The following AP4S1 variants were observed in gnomAD, a reference collection of about 807,000 sequenced individuals.
The protein encoded by AP4S1 is adaptor related protein complex 4 subunit sigma 1.
AP4S1 carries 23 observed loss-of-function variants against 19.8 expected under a neutral mutation model. The ratio of observed to expected loss-of-function variants is 1.16; its 90% confidence interval spans 0.84 to 1.65. The LOEUF (loss-of-function observed/expected upper bound fraction) is 1.65. Ranked by LOEUF, AP4S1 falls within the 40% of genes most tolerant of loss-of-function variation. The probability of loss-of-function intolerance (pLI) is 0.00; values close to 1 mark genes in which losing one functional copy is unlikely to be tolerated. For synonymous variants in AP4S1, 46 were observed against 54.1 expected, an observed-to-expected ratio of 0.85 and a Z score of 0.66; for missense variants, 166 against 172.8, an observed-to-expected ratio of 0.96 and a Z score of 0.22.
chr14:31,042,320 C>T (rs1377178066), intron 1 of AP4S1, among the ~76,000 whole-genome samples: 2 of 152,128 alleles, frequency 1.3e-5, no homozygotes, highest in African/African-American at 4.8e-5. Context: ...ATATGATGAT[C>T]CAAGTTACTT....
intron 4 of AP4S1, among the ~76,000 whole-genome samples, chr14:31,077,288 A>G (rs1486091031): frequency 6.6e-6 from 1 of 152,212 alleles, no homozygotes. Context: ...ATTTAAATAA[A>G]AACAAGGAAT....
At chr14:31,081,583 A>C (rs949483728) in intron 5 of AP4S1, among the ~76,000 whole-genome samples, 2 of 152,108 alleles carry the variant, frequency 1.3e-5, no homozygotes, top group African/African-American at 4.8e-5. Flanking sequence ...AAATCTACCT[A>C]CCACTTGAGT....
In AP4S1 at chr14:31,025,722, C is replaced by T; in HGVS notation, c.-137C>T. ...GTGAAGGTTGGGGAGCAAGCTTATGCGGGAAAGAGGGAGGGGGACTCCAGG... is the reference window on the plus strand; with the variant it reads ...GTGAAGGTTGGGGAGCAAGCTTATGTGGGAAAGAGGGAGGGGGACTCCAGG... On this transcript the variant is annotated 5_prime_UTR_variant, in exon 1 of 6. Transcript: ENST00000542754. 2.3e-6 allele frequency: 2 copies of T among 852,818 alleles called. No homozygotes were observed. The highest frequency in any genetic ancestry group is 3.5e-6 in the Non-Finnish European group (2 of 573,774). 52.8% of individuals were successfully genotyped at this position (852,818 alleles called of 1,614,324 possible). A position where few individuals can be genotyped will look rare whatever the true frequency, so the allele number is the denominator to read the frequency against.
chr14:31,050,165 A>C (rs539207321), intron 1 of AP4S1, among the ~76,000 whole-genome samples: 1 of 151,852 alleles, frequency 6.6e-6, no homozygotes, highest in African/African-American at 2.4e-5. Context: ...CAGGTGATCC[A>C]CCTGCCTTGG....
chr14:31,091,176 T>C (rs562767067), intron 5 of AP4S1, among the ~76,000 whole-genome samples: 1 of 152,334 alleles, frequency 6.6e-6, no homozygotes, highest in East Asian at 1.9e-4. Flanking sequence ...ACAGAGCAGC[T>C]TGATCCCCGA....
At chr14:31,083,494 C>CTTTTTTTTTTTTTTT in intron 5 of AP4S1, 2 of 276,062 alleles carry the variant, frequency 7.2e-6, no homozygotes, top group South Asian at 2.2e-5. Flanking sequence ...TCTGTTGACA[C>CTTTTTTTTTTTTTTT]TCTTTTTTTT....
intron 4 of AP4S1, among the ~76,000 whole-genome samples, chr14:31,073,362 C>T (rs566944113): frequency 0.013 from 1,775 of 131,972 alleles, 78 homozygotes; most frequent in African/African-American, 0.043. Flanking sequence ...TGGTGGTGGG[C>T]GCCTGTAGTC....
At chr14:31,090,342 G>A (rs538972371) in intron 5 of AP4S1, among the ~76,000 whole-genome samples, 1 of 152,306 alleles carries the variant, frequency 6.6e-6, no homozygotes, top group East Asian at 1.9e-4. Context: ...TATTCCAGGA[G>A]CCCTACGATG....
chr14:31,026,205 G>A, intron 1 of AP4S1: 1 of 1,399,682 alleles, frequency 7.1e-7, no homozygotes, highest in Middle Eastern at 2.5e-4. Context: ...GGCCCCGGCC[G>A]GGGCGCAGGG....
At chr14:31,028,618 C>G (rs547312715) in intron 1 of AP4S1, among the ~76,000 whole-genome samples, 22 of 151,754 alleles carry the variant, frequency 1.4e-4, no homozygotes, top group South Asian at 6.3e-4. Context: ...CACACACACA[C>G]AGAGACATTT....
intron 1 of AP4S1, among the ~76,000 whole-genome samples, chr14:31,052,551 C>G (rs1885856236): frequency 6.6e-6 from 1 of 151,582 alleles, no homozygotes; most frequent in African/African-American, 2.4e-5. Flanking sequence ...ATGGTGAAAC[C>G]CCTTTTCTAC....
chr14:31,025,691 T>G lies in AP4S1; in HGVS notation c.-168T>G. 1 of 718,400 alleles carries G rather than the reference T, an allele frequency of 1.4e-6. No homozygotes were observed. The highest frequency in any genetic ancestry group is 2.2e-6 in the Non-Finnish European group (1 of 456,906). 44.5% of individuals were successfully genotyped at this position (718,400 alleles called of 1,614,324 possible). ...CTGCCCCGAGGAGGCCCGCACCGCG[T>G]AGCCAGTGAAGGTTGGGGAGCAAGC... On this transcript the variant is annotated 5_prime_UTR_variant, in exon 1 of 6. Transcript: ENST00000542754.
intron 5 of AP4S1, 84 bp downstream of exon 5, chr14:31,080,668 C>T: frequency 1.9e-6 from 3 of 1,589,696 alleles, no homozygotes; most frequent in Non-Finnish European, 2.6e-6. Context: ...GGCAGGAAAA[C>T]TATTCAGCAG....
chr14:31,072,866 G>C (rs371471997), intron 3 of AP4S1, 39 bp from the exon 4 acceptor site: 2 of 1,536,232 alleles, frequency 1.3e-6, no homozygotes, highest in African/African-American at 1.4e-5. Flanking sequence ...CATGGGAAGC[G>C]ACACTAAAAT....
intron 5 of AP4S1, among the ~76,000 whole-genome samples, chr14:31,082,977 GC>G (rs1887732110): frequency 6.6e-6 from 1 of 152,126 alleles, no homozygotes; most frequent in Non-Finnish European, 1.5e-5. Context: ...AGGTAACTGA[GC>G]TGAGTTACCT....
At chr14:31,059,930 A>AATAT (rs577575338) in intron 1 of AP4S1, among the ~76,000 whole-genome samples, 2 of 146,910 alleles carry the variant, frequency 1.4e-5, no homozygotes, top group Non-Finnish European at 3.0e-5. Flanking sequence ...AGGACAAAAA[A>AATAT]ATATATATAT....
chr14:31,066,053 A>G (rs140643954), intron 1 of AP4S1, 73 bp from the exon 2 acceptor site: 3 of 722,720 alleles, frequency 4.2e-6, no homozygotes, highest in South Asian at 1.9e-5. Context: ...CTGTTTATCT[A>G]TAAAAACATT....
chr14:31,087,554 C>T (rs536462069), intron 5 of AP4S1, among the ~76,000 whole-genome samples: 18 of 152,020 alleles, frequency 1.2e-4, no homozygotes, highest in African/African-American at 4.3e-4. Flanking sequence ...AGGATTTTGC[C>T]ATTTTGGCCA....
intron 2 of AP4S1, among the ~76,000 whole-genome samples, chr14:31,067,031 T>C (rs1380355791): frequency 2.6e-5 from 4 of 152,052 alleles, no homozygotes; most frequent in African/African-American, 9.7e-5. Flanking sequence ...GGTCAGAAGT[T>C]CAAGACCAGC....
Sources: gnomAD v4.1 joint callset for allele counts (sites outside exome capture counted in the v4.1 genomes callset) on GRCh38, gnomAD v4.1.1 for gene constraint, MANE v1.5 for transcripts, NCBI Gene and HGNC (gene_info 2026-07-23, HGNC 2026-07-21) for gene names.